The following PCDHGB1 variants were observed in gnomAD, a reference collection of about 807,000 sequenced individuals.
The protein encoded by PCDHGB1 is protocadherin gamma-B1.
PCDHGB1 carries 34 observed loss-of-function variants against 56.6 expected under a neutral mutation model. That is an observed-to-expected ratio of 0.60 (90% confidence interval 0.46 to 0.80). The LOEUF (loss-of-function observed/expected upper bound fraction) is 0.80. Ranked by LOEUF, PCDHGB1 falls within the 30% of genes least tolerant of loss-of-function variation. PCDHGB1 has a pLI of 0.00. For synonymous variants in PCDHGB1, 561 were observed against 505.9 expected, an observed-to-expected ratio of 1.11 and a Z score of -1.46; for missense variants, 1,278 against 1,204.6, an observed-to-expected ratio of 1.06 and a Z score of -0.90.
chr5:141,372,093 C>T (rs775337385), intron 1 of PCDHGB1: 1 of 1,613,786 alleles, frequency 6.2e-7, no homozygotes, highest in Admixed American at 1.7e-5. Flanking sequence ...GTACCCAGCT[C>T]TGGGGCCCGA....
chr5:141,360,843 C>A, intron 1 of PCDHGB1: 1 of 1,613,956 alleles, frequency 6.2e-7, no homozygotes, highest in Non-Finnish European at 8.5e-7. Context: ...CGGATGCCAA[C>A]GATAACCCTC....
chr5:141,499,551 A>T (rs1178321389), intron 2 of PCDHGB1, among the ~76,000 whole-genome samples: 1 of 152,200 alleles, frequency 6.6e-6, no homozygotes, highest in Non-Finnish European at 1.5e-5. Flanking sequence ...AACCTGTATG[A>T]TACCACTATC....
At chr5:141,360,259 G>T (rs1480469675) in intron 1 of PCDHGB1, 1 of 1,613,964 alleles carries the variant, frequency 6.2e-7, no homozygotes, top group South Asian at 1.1e-5. Flanking sequence ...AGAGGAGCTG[G>T]CCAAAAACTC....
rs747179611 is a variant in PCDHGB1 at position 141,476,473 on chromosome 5, C to T, written c.2410-18334C>T. ...TAGTGGAGAACCCGCTGGAGCTGTT[C>T]AGCGTGGAAGTGGTGATCCAGGACA... On this transcript the variant is annotated intron_variant, in intron 1 of 3. Coordinates refer to ENST00000523390, the MANE Select transcript of PCDHGB1 (RefSeq NM_018922.3). The surrounding 1 kb of genome is among the most constrained non-coding windows in gnomAD (Gnocchi z 7.6). 3.1e-6 allele frequency: 5 copies of T among 1,613,888 alleles called. No homozygotes were observed. The highest frequency in any genetic ancestry group is 3.3e-5 in the Admixed American group (2 of 59,984).
chr5:141,371,540 C>A, intron 1 of PCDHGB1: 1 of 1,613,728 alleles, frequency 6.2e-7, no homozygotes, highest in Non-Finnish European at 8.5e-7. Flanking sequence ...ATGGAGAAAT[C>A]CTATGCCAAC....
At chr5:141,484,453 C>T (rs1212059469) in intron 1 of PCDHGB1, among the ~76,000 whole-genome samples, 1 of 152,160 alleles carries the variant, frequency 6.6e-6, no homozygotes. Flanking sequence ...TAATTGGCTA[C>T]GTTAATGTGT....
chr5:141,421,557 C>T (rs764010392), intron 1 of PCDHGB1: 1 of 1,613,932 alleles, frequency 6.2e-7, no homozygotes, highest in South Asian at 1.1e-5. Context: ...TGGAACTTCT[C>T]GTGGAAGACA....
intron 1 of PCDHGB1, chr5:141,407,951 A>C: frequency 1.7e-6 from 1 of 578,566 alleles, no homozygotes; most frequent in Non-Finnish European, 2.8e-6. Context: ...GCTGTCGGCC[A>C]GTGCAGAGCA....
chr5:141,502,694 G>A (rs1039264846), intron 2 of PCDHGB1, among the ~76,000 whole-genome samples: 5 of 152,180 alleles, frequency 3.3e-5, no homozygotes, highest in African/African-American at 1.2e-4. Flanking sequence ...ATCCTTGCCT[G>A]TATCTGTTTT....
At chr5:141,365,338 A>G in intron 1 of PCDHGB1, 1 of 1,614,022 alleles carries the variant, frequency 6.2e-7, no homozygotes, top group Non-Finnish European at 8.5e-7. Context: ...TGGTGGTCAC[A>G]GTACAGGACG....
chr5:141,374,951 C>G (rs780549456), intron 1 of PCDHGB1: 22 of 1,613,900 alleles, frequency 1.4e-5, no homozygotes, highest in Admixed American at 1.7e-5. Context: ...AAAGATCTCA[C>G]AAATTTTCTG....
intron 1 of PCDHGB1, chr5:141,399,237 AGATTCTG>A: frequency 6.2e-7 from 1 of 1,614,002 alleles, no homozygotes; most frequent in South Asian, 1.1e-5. Context: ...TACATGACCA[AGATTCTG>A]GGGAAAATGG....
At chr5:141,404,882 G>T (rs1380203392) in intron 1 of PCDHGB1, 3 of 1,613,772 alleles carry the variant, frequency 1.9e-6, no homozygotes, top group Non-Finnish European at 2.5e-6. Context: ...GAGCCTTGTG[G>T]TGGCTGTACA....
rs543209695 is a variant in PCDHGB1 at position 141,431,563 on chromosome 5, C to T, written c.2410-63244C>T. 24 of 1,614,026 alleles carry T rather than the reference C, an allele frequency of 1.5e-5. No individual in the cohort carries two copies. Among genetic ancestry groups the T allele is most frequent in the Non-Finnish European group, 1.9e-5 (23 of 1,180,046 alleles). ...AGCTGCTTGTAGTCAACGCTACCGA[C>T]CCTGACGAAGGAGTCAATGCGGAAG... On this transcript the variant is annotated intron_variant, in intron 1 of 3. Transcript: ENST00000523390. The surrounding 1 kb of genome is among the most constrained non-coding windows in gnomAD (Gnocchi z 4.8).
chr5:141,355,404 C>T (rs751163192), intron 1 of PCDHGB1: 36 of 1,613,970 alleles, frequency 2.2e-5, no homozygotes, highest in Middle Eastern at 1.6e-4. Context: ...GCATCGTCTC[C>T]AGAGGTAGGA....
At chr5:141,388,676 G>A in intron 1 of PCDHGB1, 7 of 1,613,946 alleles carry the variant, frequency 4.3e-6, no homozygotes, top group East Asian at 2.2e-5. Flanking sequence ...TGCTACAGGT[G>A]ACTGCCACGG....
At chr5:141,494,736 T>C in intron 1 of PCDHGB1, 71 bp from the exon 2 acceptor site, 1 of 1,611,858 alleles carries the variant, frequency 6.2e-7, no homozygotes, top group Non-Finnish European at 8.5e-7. Context: ...TCCCGGCCCA[T>C]CCCTAGGGGC....
chr5:141,465,606 T>C (rs192541390), intron 1 of PCDHGB1, among the ~76,000 whole-genome samples: 22 of 152,338 alleles, frequency 1.4e-4, no homozygotes, highest in African/African-American at 5.3e-4. Context: ...TATCACTCTT[T>C]GGCCCTCCAG....
At chr5:141,395,196 G>T (rs1431851304) in intron 1 of PCDHGB1, 1 of 1,613,948 alleles carries the variant, frequency 6.2e-7, no homozygotes, top group Non-Finnish European at 8.5e-7. Context: ...GTTAACATCC[G>T]TAGATTTTCA....
Sources: allele counts gnomAD v4.1 joint callset (sites outside exome capture counted in the v4.1 genomes callset), GRCh38; gene constraint gnomAD v4.1.1; non-coding constraint Gnocchi (gnomAD v3.1); transcripts MANE v1.5; gene names NCBI Gene and HGNC (gene_info 2026-07-23, HGNC 2026-07-21).